The following CAP2 variants were observed in gnomAD, a reference collection of about 807,000 sequenced individuals.
CAP2 encodes the protein adenylyl cyclase-associated protein 2.
A neutral mutation model predicts 57.7 loss-of-function variants in CAP2; 24 were observed. That is an observed-to-expected ratio of 0.42 (90% CI 0.30 to 0.58). The LOEUF (loss-of-function observed/expected upper bound fraction) is 0.58, where lower values mean the gene tolerates loss of function less well. Ranked by LOEUF, CAP2 falls within the 20% of genes least tolerant of loss-of-function variation. The pLI is 0.22. For synonymous variants in CAP2, 194 were observed against 207.2 expected, an observed-to-expected ratio of 0.94 and a Z score of 0.55; for missense variants, 501 against 590.3, an observed-to-expected ratio of 0.85 and a Z score of 1.57.
chr6:17,536,146 A>C (rs1762767808), intron 7 of CAP2: 1 of 454,038 alleles, frequency 2.2e-6, no homozygotes, highest in South Asian at 1.6e-5. Context: ...TTCTTGGGAC[A>C]TCTGAAGACA....
chr6:17,507,346 A>G (rs750419775), intron 5 of CAP2, 34 bp downstream of exon 5: 21 of 1,609,346 alleles, frequency 1.3e-5, no homozygotes, highest in South Asian at 8.8e-5. Context: ...TCTTCACCTC[A>G]TCACACGTTT....
chr6:17,521,829 T>C (rs952367570), intron 7 of CAP2, among the ~76,000 whole-genome samples: 6 of 151,884 alleles, frequency 4.0e-5, no homozygotes, highest in Admixed American at 1.3e-4. Flanking sequence ...GGCCCCTTGA[T>C]TGGGCGCGGT....
At position 17,556,942 on chromosome 6, in the gene CAP2, T is replaced by A. The variant is rs1032736386; in HGVS notation, c.*500T>A. On this transcript the variant is annotated 3_prime_UTR_variant, in exon 13 of 13. Coordinates refer to ENST00000229922, the MANE Select transcript of CAP2 (RefSeq NM_006366.3). Reference sequence around the variant, plus strand: ...TGTTCACCTTTATCAGCGTGGATACTGTCAGCATGAGTACATATTTCAACC... The same window carrying A: ...TGTTCACCTTTATCAGCGTGGATACAGTCAGCATGAGTACATATTTCAACC... The A allele has an allele frequency of 3.2e-5, 5 of 155,882 alleles. No individual in the cohort carries two copies. Among genetic ancestry groups the A allele is most frequent in the African/African-American group, 1.2e-4 (5 of 41,292 alleles). The allele number at this position is 155,882 out of a possible 1,614,324, so 9.7% of individuals were successfully genotyped here. A position where few individuals can be genotyped will look rare whatever the true frequency, so the allele number is the denominator to read the frequency against.
At chr6:17,415,054 T>C (rs114983643) in intron 1 of CAP2, among the ~76,000 whole-genome samples, 2,558 of 152,314 alleles carry the variant, frequency 0.017, 27 homozygotes, top group Non-Finnish European at 0.024. Context: ...AATGTCTTCT[T>C]TTGAGAAAAG....
Position 17,500,164 on chromosome 6 carries a change from ATT to A in CAP2, c.301-7003_301-7002del, listed in dbSNP as rs1206464380. Among the ~76,000 whole-genome samples, 6 of 150,586 alleles carry A rather than the reference ATT, an allele frequency of 4.0e-5. No homozygotes were observed. In the East Asian group the frequency reaches 9.8e-4, roughly 24 times the overall value. On this transcript the variant is annotated intron_variant, in intron 4 of 12. Transcript: ENST00000229922. Reference sequence around the variant, plus strand: ...TGTTCCTGGACAGTAAAAAATTTTTATTTAATGGGACTCAACAAGAAGGGAGC... The same window carrying A: ...TGTTCCTGGACAGTAAAAAATTTTTATAATGGGACTCAACAAGAAGGGAGC...
intron 4 of CAP2, among the ~76,000 whole-genome samples, chr6:17,464,565 G>C (rs9370992): frequency 0.64 from 97,500 of 151,688 alleles, 33,018 homozygotes; most frequent in African/African-American, 0.86. Context: ...CCAAGGGACT[G>C]TGACTTCATT....
At chr6:17,493,019 G>A (rs1761581615) in intron 4 of CAP2, among the ~76,000 whole-genome samples, 1 of 152,032 alleles carries the variant, frequency 6.6e-6, no homozygotes, top group Admixed American at 6.6e-5. Flanking sequence ...AACAGAGGAG[G>A]ACATAAAAGA....
At chr6:17,551,762 C>T (rs573162599) in intron 12 of CAP2, among the ~76,000 whole-genome samples, 158 bp downstream of exon 12, 14 of 152,266 alleles carry the variant, frequency 9.2e-5, no homozygotes, top group South Asian at 4.1e-4. Flanking sequence ...CATCTCTTCC[C>T]GCCTATTAGC....
At chr6:17,438,195 G>A (rs751985128) in intron 3 of CAP2, among the ~76,000 whole-genome samples, 2 of 150,252 alleles carry the variant, frequency 1.3e-5, no homozygotes, top group South Asian at 4.2e-4. Flanking sequence ...GTGAAACCCC[G>A]TCTCTACTAA....
chr6:17,499,676 C>T (rs1761754500), intron 4 of CAP2, among the ~76,000 whole-genome samples: 1 of 151,878 alleles, frequency 6.6e-6, no homozygotes, highest in Non-Finnish European at 1.5e-5. Flanking sequence ...CATACGGAGA[C>T]CCAGTCTCCT....
chr6:17,514,953 T>C (rs759705218), intron 7 of CAP2, among the ~76,000 whole-genome samples: 68 of 152,058 alleles, frequency 4.5e-4, no homozygotes, highest in Non-Finnish European at 7.6e-4. Flanking sequence ...ATCCTAGCAC[T>C]TTGGGAGGCC....
intron 1 of CAP2, among the ~76,000 whole-genome samples, chr6:17,413,851 C>A (rs765221892): frequency 6.6e-6 from 1 of 152,054 alleles, no homozygotes; most frequent in Non-Finnish European, 1.5e-5. Context: ...GTCAGGAGTT[C>A]GAGACCACCC....
intron 3 of CAP2, among the ~76,000 whole-genome samples, chr6:17,438,246 A>G (rs889919520): frequency 1.3e-5 from 2 of 150,428 alleles, no homozygotes; most frequent in Middle Eastern, 3.2e-3. Flanking sequence ...GGTGCCTGTA[A>G]TCCCAGCTAC....
chr6:17,492,796 C>T (rs1294479867), intron 4 of CAP2, among the ~76,000 whole-genome samples: 3 of 152,108 alleles, frequency 2.0e-5, no homozygotes, highest in African/African-American at 4.8e-5. Flanking sequence ...TTTCATAGTA[C>T]GATATCCCTA....
intron 7 of CAP2, among the ~76,000 whole-genome samples, chr6:17,514,285 C>T (rs1043478712): frequency 6.6e-6 from 1 of 151,912 alleles, no homozygotes; most frequent in South Asian, 2.1e-4. Context: ...ATTGCTTGAA[C>T]CCAGGAGGCA....
intron 6 of CAP2, 57 bp downstream of exon 6, chr6:17,507,783 C>A: frequency 1.1e-6 from 1 of 945,840 alleles, no homozygotes; most frequent in Non-Finnish European, 1.7e-6. Flanking sequence ...AGACATTTGT[C>A]CCTAAAACTC....
intron 5 of CAP2, 82 bp downstream of exon 5, chr6:17,507,394 C>T (rs1762015960): frequency 6.4e-6 from 9 of 1,410,092 alleles, no homozygotes; most frequent in African/African-American, 4.3e-5. Flanking sequence ...GCTACCTTCA[C>T]GCTCCTTGCA....
At chr6:17,506,875 T>C (rs1377805617) in intron 4 of CAP2, among the ~76,000 whole-genome samples, 1 of 152,210 alleles carries the variant, frequency 6.6e-6, no homozygotes, top group Admixed American at 6.5e-5. Context: ...CTGTCTTCCA[T>C]GAAGGAGTCT....
chr6:17,515,425 A>C (rs1420774207), intron 7 of CAP2, among the ~76,000 whole-genome samples: 1 of 152,114 alleles, frequency 6.6e-6, no homozygotes, highest in Non-Finnish European at 1.5e-5. Context: ...GTGGACATAA[A>C]GACGGGAAAA....
Sources: allele counts gnomAD v4.1 joint callset (sites outside exome capture counted in the v4.1 genomes callset), GRCh38; gene constraint gnomAD v4.1.1; transcripts MANE v1.5; gene names NCBI Gene and HGNC (gene_info 2026-07-23, HGNC 2026-07-21).